The following CELF2 variants were observed in gnomAD, a reference collection of about 807,000 sequenced individuals.
CELF2 encodes the protein CUG triplet repeat RNA-binding protein 2.
CELF2 carries 8 observed loss-of-function variants against 62.6 expected under a neutral mutation model. That is an observed-to-expected ratio of 0.13 (90% CI 0.07 to 0.23). The LOEUF (loss-of-function observed/expected upper bound fraction) is 0.23. CELF2 is among the 10% of genes least tolerant of loss of function. CELF2 has a pLI of 1.00. For missense variants in CELF2, 333 were observed against 671.0 expected (o/e 0.50, Z 5.56); for synonymous variants, 258 against 250.0 (o/e 1.03, Z -0.30).
At chr10:10,620,276 G>T in the CELF2 span, among the ~76,000 whole-genome samples, 13 of 150,918 alleles carry the variant, frequency 8.6e-5, no homozygotes, top group East Asian at 2.4e-3. Context: ...CTCATGCCTG[G>T]AATCCCAGCT....
Position 10,972,623 on chromosome 10 carries a change from C to T in CELF2, c.89+52624C>T, listed in dbSNP as rs1260239392. Among the ~76,000 whole-genome samples, 2 of 152,184 alleles carry T rather than the reference C, an allele frequency of 1.3e-5. No individual in the cohort carries two copies. Among genetic ancestry groups the T allele is most frequent in the African/African-American group, 2.4e-5 (1 of 41,428 alleles). On this transcript the variant is annotated intron_variant, in intron 2 of 13. Coordinates refer to the CELF2 transcript ENST00000636488. This position sits in a 1 kb window ranked among gnomAD's most constrained non-coding sequence, Gnocchi z 4.4. The stretch of plus-strand genomic sequence containing the variant: ...TCTACATATTGATGATTCTCAGTCC[C>T]GGTCTCCATGACTGACCTTGCTGTG...
chr10:10,920,006 A>G (rs907289674), intron 2 of CELF2: 1 of 1,231,452 alleles, frequency 8.1e-7, no homozygotes, highest in Non-Finnish European at 1.0e-6. Flanking sequence ...CAAGGTGAGC[A>G]CGCTGGCTTT....
At chr10:10,861,533 A>G (rs1377746057) in intron 1 of CELF2, among the ~76,000 whole-genome samples, 3 of 152,208 alleles carry the variant, frequency 2.0e-5, no homozygotes, top group Admixed American at 2.0e-4. Context: ...ATAAAAGTTA[A>G]TGATCCCTAG....
chr10:10,747,341 G>GA, the CELF2 span, among the ~76,000 whole-genome samples: 1 of 152,204 alleles, frequency 6.6e-6, no homozygotes, highest in Non-Finnish European at 1.5e-5. Context: ...GAACAGGTAG[G>GA]ATGGCCTTTG....
chr10:10,633,754 C>G, the CELF2 span, among the ~76,000 whole-genome samples: 1 of 151,574 alleles, frequency 6.6e-6, no homozygotes, highest in African/African-American at 2.4e-5. Context: ...AAAATTTGAC[C>G]CTTCTACCGT....
chr10:10,886,598 A>T (rs2061764995), intron 1 of CELF2, among the ~76,000 whole-genome samples: 2 of 152,244 alleles, frequency 1.3e-5, no homozygotes, highest in Admixed American at 6.5e-5. Context: ...GCCCTTCAGG[A>T]GGCCAAGGCA....
At chr10:11,213,079 C>A (rs377366391) in intron 2 of CELF2, among the ~76,000 whole-genome samples, 17 of 151,242 alleles carry the variant, frequency 1.1e-4, no homozygotes, top group Non-Finnish European at 8.8e-5. Flanking sequence ...TCCCCAGAGC[C>A]CCCTGGCCGG....
rs969792940 is a variant in CELF2 at position 11,296,143 on chromosome 10, G to A, written c.976+7591G>A. Among the ~76,000 whole-genome samples the A allele has an allele frequency of 7.9e-5, 12 of 152,286 alleles. No individual in the cohort carries two copies. The highest frequency in any genetic ancestry group is 1.7e-4 in the African/African-American group (7 of 41,570). The stretch of plus-strand genomic sequence containing the variant: ...ATCCCCGGGATGGACAGATCCTCGC[G>A]TGCATCTTAGGGCTGCCACTCACCA... On this transcript the variant is annotated intron_variant, in intron 9 of 12. Coordinates refer to ENST00000633077, the MANE Select transcript of CELF2 (RefSeq NM_001326342.2). The surrounding 1 kb of genome is among the most constrained non-coding windows in gnomAD (Gnocchi z 5.0).
chr10:10,701,508 C>T, the CELF2 span, among the ~76,000 whole-genome samples: 200 of 152,326 alleles, frequency 1.3e-3, 2 homozygotes, highest in Admixed American at 0.012. Context: ...GCTGTCACAG[C>T]GTCCAAATTA....
chr10:10,668,468 G>T, the CELF2 span, among the ~76,000 whole-genome samples: 1 of 152,106 alleles, frequency 6.6e-6, no homozygotes, highest in African/African-American at 2.4e-5. Flanking sequence ...ACAGTTCCAT[G>T]GTACGAATTT....
At chr10:10,932,202 T>C (rs1361282717) in intron 2 of CELF2, among the ~76,000 whole-genome samples, 2 of 152,062 alleles carry the variant, frequency 1.3e-5, no homozygotes, top group African/African-American at 2.4e-5. Flanking sequence ...CAAAAGATTC[T>C]ACTAAAAAAA....
At chr10:10,476,942 G>A in the CELF2 span, among the ~76,000 whole-genome samples, 1 of 151,848 alleles carries the variant, frequency 6.6e-6, no homozygotes, top group East Asian at 1.9e-4. Flanking sequence ...GTGATCCTTT[G>A]GTAACTCAGG....
At chr10:10,520,256 A>G in the CELF2 span, among the ~76,000 whole-genome samples, 1 of 152,212 alleles carries the variant, frequency 6.6e-6, no homozygotes, top group Non-Finnish European at 1.5e-5. Flanking sequence ...GCTGCTATGA[A>G]AGACCCTTTT....
the CELF2 span, among the ~76,000 whole-genome samples, chr10:10,542,323 T>A: frequency 3.9e-5 from 6 of 152,084 alleles, no homozygotes; most frequent in Non-Finnish European, 8.8e-5. Flanking sequence ...GTTAGCATGG[T>A]TCTGGAGCCC....
rs2090907198 is a variant in CELF2 at position 11,285,442 on chromosome 10, G to A, written c.842-2976G>A. On this transcript the variant is annotated intron_variant, in intron 8 of 12. Transcript: ENST00000633077. This position sits in a 1 kb window ranked among gnomAD's most constrained non-coding sequence, Gnocchi z 4.3. The stretch of plus-strand genomic sequence containing the variant: ...GCTTAGGAGAATGTCAGAAACTGTT[G>A]GATGGTAAAGTGTGTGGAGGAGAAA... Among the ~76,000 whole-genome samples the A allele has an allele frequency of 6.6e-6, 1 of 152,152 alleles. No individual in the cohort carries two copies. The highest frequency in any genetic ancestry group is 1.5e-5 in the Non-Finnish European group (1 of 68,010).
At chr10:10,742,038 T>C in the CELF2 span, among the ~76,000 whole-genome samples, 3 of 152,216 alleles carry the variant, frequency 2.0e-5, no homozygotes, top group African/African-American at 4.8e-5. Flanking sequence ...TATTATCTAA[T>C]ACTACCATTA....
rs1008319430 is a variant in CELF2, at chr10:10,844,788, G to A, written c.53+45971G>A. 5.3e-5 allele frequency among the ~76,000 whole-genome samples: 8 copies of A among 152,088 alleles called. 1 individual carries two copies. Among genetic ancestry groups the A allele is most frequent in the African/African-American group, 1.9e-4 (8 of 41,426 alleles). ...AGCAGAGAAACCTGGCAAAAAGATTGACATATGCCCTGGGAAAGGAACAGA... is the reference window on the plus strand; with the variant it reads ...AGCAGAGAAACCTGGCAAAAAGATTAACATATGCCCTGGGAAAGGAACAGA... On this transcript the variant is annotated intron_variant, in intron 1 of 13. Transcript: ENST00000636488.
At chr10:10,736,396 C>CTTTCTTTCTTTCTTTTTT in the CELF2 span, among the ~76,000 whole-genome samples, 61 of 75,976 alleles carry the variant, frequency 8.0e-4, no homozygotes, top group African/African-American at 2.8e-3. Flanking sequence ...TTCTTTCTTT[C>CTTTCTTTCTTTCTTTTTT]TTTTTTTTTT....
the CELF2 span, among the ~76,000 whole-genome samples, chr10:10,515,101 C>G: frequency 1.3e-5 from 2 of 152,184 alleles, no homozygotes; most frequent in African/African-American, 4.8e-5. Flanking sequence ...GAACAAAGCT[C>G]CACCAAGTAG....
Sources: allele counts gnomAD v4.1 joint callset (sites outside exome capture counted in the v4.1 genomes callset), GRCh38; gene constraint gnomAD v4.1.1; non-coding constraint Gnocchi (gnomAD v3.1); transcripts MANE v1.5; gene names NCBI Gene and HGNC (gene_info 2026-07-23, HGNC 2026-07-21).